HPCAL1: variants seen among roughly 807,000 people sequenced by gnomAD.
HPCAL1 encodes the protein hippocalcin-like protein 1.
In HPCAL1, 8 loss-of-function variants were observed where a neutral mutation model predicts 17.1. The observed-to-expected ratio is 0.47, with a 90% CI of 0.27 to 0.84. HPCAL1 has a LOEUF of 0.84. Ranked by LOEUF, HPCAL1 falls within the 40% of genes least tolerant of loss-of-function variation. HPCAL1 has a pLI of 0.13. For synonymous variants in HPCAL1, 112 were observed against 111.4 expected (o/e 1.01, Z -0.03); for missense variants, 165 against 271.1 (o/e 0.61, Z 2.75).
chr2:10,381,084 C>T (rs1271258129), intron 1 of HPCAL1, among the ~76,000 whole-genome samples: 1 of 152,184 alleles, frequency 6.6e-6, no homozygotes. Context: ...GAGGCAGCCC[C>T]GGAGTTCTCA....
At chr2:10,329,367 A>G (rs1384574125) in intron 1 of HPCAL1, among the ~76,000 whole-genome samples, 2 of 152,226 alleles carry the variant, frequency 1.3e-5, no homozygotes, top group African/African-American at 2.4e-5. Flanking sequence ...CACTGTATTC[A>G]TGTAAGTCCA....
At position 10,395,113 on chromosome 2, in the gene HPCAL1, A is replaced by AACACACACACACAC. The variant is rs55678486; in HGVS notation, c.-110-1689_-110-1676dup. Among the ~76,000 whole-genome samples the AACACACACACACAC allele has an allele frequency of 1.2e-4, 17 of 138,464 alleles. No individual in the cohort carries two copies. Among genetic ancestry groups the AACACACACACACAC allele is most frequent in the South Asian group, 7.4e-4 (3 of 4,080 alleles). The allele number at this position is 138,464 out of a possible 152,430, so 90.8% of individuals were successfully genotyped here. ...TGTCCAGCCTAAAATCTATCTTTAAAACACACACACACACACACACACACA... is the reference window on the plus strand; with the variant it reads ...TGTCCAGCCTAAAATCTATCTTTAAAACACACACACACACACACACACACACACACACACACACA... On this transcript the variant is annotated intron_variant, in intron 1 of 4. Coordinates refer to ENST00000307845, the MANE Select transcript of HPCAL1 (RefSeq NM_002149.4). This position sits in a 1 kb window ranked among gnomAD's most constrained non-coding sequence, Gnocchi z 4.4.
intron 3 of HPCAL1, among the ~76,000 whole-genome samples, chr2:10,420,356 A>AT (rs1294817102): frequency 2.0e-5 from 3 of 151,270 alleles, no homozygotes; most frequent in East Asian, 2.0e-4. Flanking sequence ...TGCCCTGTTA[A>AT]TTTTTTTGGT....
chr2:10,349,238 T>C (rs1451148122), intron 1 of HPCAL1, among the ~76,000 whole-genome samples: 1 of 152,152 alleles, frequency 6.6e-6, no homozygotes, highest in Non-Finnish European at 1.5e-5. Context: ...CCATACTTAT[T>C]AGAACGTCTC....
intron 1 of HPCAL1, among the ~76,000 whole-genome samples, chr2:10,346,654 A>G (rs1177833845): frequency 6.6e-6 from 1 of 152,180 alleles, no homozygotes; most frequent in Non-Finnish European, 1.5e-5. Flanking sequence ...TTATTTATGG[A>G]TATGATGTGC....
At chr2:10,380,010 A>G (rs1482833026) in intron 1 of HPCAL1, among the ~76,000 whole-genome samples, 1 of 152,126 alleles carries the variant, frequency 6.6e-6, no homozygotes, top group African/African-American at 2.4e-5. Flanking sequence ...TGGATTCCTG[A>G]CCTGAGTCCA....
chr2:10,385,905 G>A (rs943744524), intron 1 of HPCAL1, among the ~76,000 whole-genome samples: 34 of 151,880 alleles, frequency 2.2e-4, no homozygotes, highest in Non-Finnish European at 4.7e-4. Context: ...GTCGGGGGGT[G>A]TCCGGAGCCT....
In HPCAL1 at chr2:10,343,487, C is replaced by T. The variant is rs10179156; in HGVS notation, c.-111+40310C>T. On this transcript the variant is annotated intron_variant, in intron 1 of 4. Coordinates refer to ENST00000307845, the MANE Select transcript of HPCAL1 (RefSeq NM_002149.4). This position sits in a 1 kb window ranked among gnomAD's most constrained non-coding sequence, Gnocchi z 4.8. ...CCTAGTTTGTCCACAGACTTCCATGCAAGTGATTCCTGCTGTTCCCTGGGT... is the reference window on the plus strand; with the variant it reads ...CCTAGTTTGTCCACAGACTTCCATGTAAGTGATTCCTGCTGTTCCCTGGGT... Among the ~76,000 whole-genome samples the T allele has an allele frequency of 0.014, 2,168 of 152,306 alleles. 52 individuals are homozygous for T. Among genetic ancestry groups the T allele is most frequent in the African/African-American group, 0.05 (2,061 of 41,552 alleles).
At chr2:10,356,957 T>C (rs1666198014) in intron 1 of HPCAL1, among the ~76,000 whole-genome samples, 1 of 152,088 alleles carries the variant, frequency 6.6e-6, no homozygotes, top group Non-Finnish European at 1.5e-5. Context: ...CCCCCAAAAA[T>C]ACAAAATTAG....
chr2:10,372,764 C>T (rs1010721279), intron 1 of HPCAL1, among the ~76,000 whole-genome samples: 94 of 152,232 alleles, frequency 6.2e-4, no homozygotes, highest in African/African-American at 2.2e-3. Context: ...GAGACGGTGA[C>T]AGCTGTTCCT....
Position 10,344,847 on chromosome 2 carries a change from GTCTC to G in HPCAL1, c.-111+41676_-111+41679del, listed in dbSNP as rs1665313504. On this transcript the variant is annotated intron_variant, in intron 1 of 4. Coordinates refer to ENST00000307845, the MANE Select transcript of HPCAL1 (RefSeq NM_002149.4). This position sits in a 1 kb window ranked among gnomAD's most constrained non-coding sequence, Gnocchi z 4.9. ...TCTCTGTCTCTCTCTTTCTGTGTGT[GTCTC>G]TCTCTGTGCCTTTCAGTCTCTTTCT... 6.7e-6 allele frequency among the ~76,000 whole-genome samples: 1 copy of G among 149,206 alleles called. No homozygotes were observed. The highest frequency in any genetic ancestry group is 2.1e-4 in the South Asian group (1 of 4,660).
intron 1 of HPCAL1, among the ~76,000 whole-genome samples, chr2:10,346,742 C>T (rs1032690085): frequency 6.6e-6 from 1 of 152,046 alleles, no homozygotes; most frequent in Non-Finnish European, 1.5e-5. Context: ...CATGATAGTA[C>T]AAAAACGAGA....
At chr2:10,307,661 C>T (rs182375221) in intron 1 of HPCAL1, among the ~76,000 whole-genome samples, 1 of 152,318 alleles carries the variant, frequency 6.6e-6, no homozygotes, top group Admixed American at 6.5e-5. Context: ...AGCTCTTTCT[C>T]TGTCTTCACT....
In HPCAL1 at chr2:10,419,198, CA is replaced by C. The variant is rs1670874683; in HGVS notation, c.-24-532del. Among the ~76,000 whole-genome samples, 1 of 151,836 alleles carries C rather than the reference CA, an allele frequency of 6.6e-6. No individual in the cohort carries two copies. The highest frequency in any genetic ancestry group is 2.1e-4 in the South Asian group (1 of 4,812). On this transcript the variant is annotated intron_variant, in intron 2 of 4. Coordinates refer to ENST00000307845, the MANE Select transcript of HPCAL1 (RefSeq NM_002149.4). This position sits in a 1 kb window ranked among gnomAD's most constrained non-coding sequence, Gnocchi z 5.0. ...TGCACTGCAGCCTGGGCGACAAGAGCAAAACTCCATCTCAAAAGAAACAAAC... is the reference window on the plus strand; with the variant it reads ...TGCACTGCAGCCTGGGCGACAAGAGCAAACTCCATCTCAAAAGAAACAAAC...
rs775586956 is a variant in HPCAL1 at position 10,423,129 on chromosome 2, G to C, written c.484+41G>C. On this transcript the variant is annotated intron_variant, in intron 4 of 4. Transcript: ENST00000307845. The stretch of plus-strand genomic sequence containing the variant: ...GGCGGGGCTGCATGTGTACGCCACG[G>C]TAGGGGCAAAACCATGTGGTTTGGG... 34 of 1,448,066 alleles carry C rather than the reference G, an allele frequency of 2.3e-5. 1 individual carries two copies. The Admixed American group carries it at 5.7e-4, about 24-fold the overall frequency. 89.7% of individuals were successfully genotyped at this position (1,448,066 alleles called of 1,614,324 possible). A position where few individuals can be genotyped will look rare whatever the true frequency, so the allele number is the denominator to read the frequency against.
At chr2:10,364,012 A>G (rs766305314) in intron 1 of HPCAL1, among the ~76,000 whole-genome samples, 24 of 152,176 alleles carry the variant, frequency 1.6e-4, no homozygotes, top group Middle Eastern at 3.2e-3. Context: ...CACTGGTCCC[A>G]GCTTGGTGGG....
At chr2:10,326,994 C>T (rs946805787) in intron 1 of HPCAL1, among the ~76,000 whole-genome samples, 22 of 152,158 alleles carry the variant, frequency 1.4e-4, no homozygotes, top group African/African-American at 4.8e-4. Context: ...GGAAGCCCTT[C>T]GTCACCCAAC....
chr2:10,396,611 A>C (rs558647139), intron 1 of HPCAL1, among the ~76,000 whole-genome samples: 2 of 152,332 alleles, frequency 1.3e-5, no homozygotes, highest in East Asian at 3.9e-4. Flanking sequence ...GCTTCTATCA[A>C]CGTTGTCCTG....
chr2:10,322,032 A>T (rs1572633571), intron 1 of HPCAL1, among the ~76,000 whole-genome samples: 1 of 151,796 alleles, frequency 6.6e-6, no homozygotes, highest in African/African-American at 2.4e-5. Flanking sequence ...TTTATTTTTT[A>T]TTTTTTTAGA....
Sources: allele counts gnomAD v4.1 joint callset (sites outside exome capture counted in the v4.1 genomes callset), GRCh38; gene constraint gnomAD v4.1.1; non-coding constraint Gnocchi (gnomAD v3.1); transcripts MANE v1.5; gene names NCBI Gene and HGNC (gene_info 2026-07-23, HGNC 2026-07-21).